ZMYM1: variants seen among roughly 807,000 people sequenced by gnomAD.
ZMYM1 encodes the protein zinc finger MYM-type protein 1.
ZMYM1 carries 39 observed loss-of-function variants against 60.0 expected under a neutral mutation model. That is an observed-to-expected ratio of 0.65 (90% CI 0.50 to 0.85). The LOEUF (loss-of-function observed/expected upper bound fraction) is 0.85, where lower values mean the gene tolerates loss of function less well. ZMYM1 is among the 40% of genes least tolerant of loss of function. The pLI is 0.00. For synonymous variants in ZMYM1, 413 were observed against 454.0 expected, an observed-to-expected ratio of 0.91 and a Z score of 1.15; for missense variants, 1,171 against 1,309.5, an observed-to-expected ratio of 0.89 and a Z score of 1.63.
upstream of ZMYM1, among the ~76,000 whole-genome samples, chr1:35,076,709 G>T (rs1000307518): frequency 3.8e-4 from 58 of 151,674 alleles, no homozygotes; most frequent in Middle Eastern, 3.2e-3. Context: ...GAGGTGGGCA[G>T]ATCACTTGAG....
chr1:35,098,645 G>A (rs188814265), intron 4 of ZMYM1, among the ~76,000 whole-genome samples: 13 of 152,144 alleles, frequency 8.5e-5, no homozygotes, highest in Admixed American at 3.9e-4. Context: ...AGTGGCTCAC[G>A]CCTGTTATCC....
In ZMYM1 at chr1:35,072,849, A is replaced by C. The variant is rs945395287; in HGVS notation, c.-300-6145A>C. Among the ~76,000 whole-genome samples, 2 of 152,178 alleles carry C rather than the reference A, an allele frequency of 1.3e-5. 1 individual carries two copies. Among genetic ancestry groups the C allele is most frequent in the Non-Finnish European group, 2.9e-5 (2 of 68,026 alleles). Reference sequence around the variant, plus strand: ...GTAATCCCAGCACTTTGGGAGGCCAAGACAGGTGGATCCCCTGAGGTCAGG... The same window carrying C: ...GTAATCCCAGCACTTTGGGAGGCCACGACAGGTGGATCCCCTGAGGTCAGG... On this transcript the variant is annotated intron_variant, in intron 1 of 10. Transcript: ENST00000417119.
chr1:35,084,531 G>C (rs1642557719), intron 1 of ZMYM1, among the ~76,000 whole-genome samples: 1 of 152,198 alleles, frequency 6.6e-6, no homozygotes, highest in Non-Finnish European at 1.5e-5. Flanking sequence ...ATTTCAGTTT[G>C]TCCTTTCTTC....
rs760091179 is a variant in ZMYM1 at position 35,113,880 on chromosome 1, G to C, written c.2050G>C (p.Asp684His). ...LIKERFLGFV[D>H]TEEMTGTHLH... ...TAAGGAAAGATTCTTGGGTTTTGTT[G>C]ATACTGAGGAGATGACTGGGACCCA... The change falls in exon 10 of 10, where the codon GAT (aspartate) becomes CAT (histidine). Residue 684 changes from aspartate to histidine, a missense_variant. Asp to His is a moderately conservative substitution (Grantham distance 81). Coordinates refer to ENST00000359858, the MANE Select transcript of ZMYM1 (RefSeq NM_024772.5). The C allele has an allele frequency of 6.2e-7, 1 of 1,613,710 alleles. No homozygotes were observed. Among genetic ancestry groups the C allele is most frequent in the East Asian group, 2.2e-5 (1 of 44,830 alleles).
intron 3 of ZMYM1, among the ~76,000 whole-genome samples, chr1:35,096,327 AGAAGAAAAT>A (rs1643319973): frequency 6.7e-6 from 1 of 149,906 alleles, no homozygotes. Context: ...AAAAAAAAAG[AGAAGAAAAT>A]CAAAGAGGCT....
At chr1:35,075,991 A>G (rs1642159783), upstream of ZMYM1, among the ~76,000 whole-genome samples, 1 of 152,096 alleles carries the variant, frequency 6.6e-6, no homozygotes, top group South Asian at 2.1e-4. Flanking sequence ...ACCAAATACA[A>G]CAACTAATCA....
At chr1:35,060,332 C>G (rs1641849679) in intron 1 of ZMYM1, among the ~76,000 whole-genome samples, 2 of 151,824 alleles carry the variant, frequency 1.3e-5, no homozygotes, top group African/African-American at 4.8e-5. Context: ...AGCTAATTTT[C>G]TATTTTTAGT....
chr1:35,073,149 A>C (rs1216437071), intron 1 of ZMYM1, among the ~76,000 whole-genome samples: 2 of 150,920 alleles, frequency 1.3e-5, no homozygotes, highest in Non-Finnish European at 3.0e-5. Flanking sequence ...AGTCCCAGCT[A>C]CTCAGGGAGC....
At position 35,114,210 on chromosome 1, in the gene ZMYM1, C is replaced by T; in HGVS notation, c.2380C>T (p.Leu794=). ...MLANFRNIYR[L]SQNKTCKKHI... is the part of the protein sequence containing the mutation. ...GGCAAATTTTCGAAACATTTATAGG[C>T]TAAGTCAAAACAAAACATGCAAGAA... The change falls in exon 10 of 10, where the codon CTA becomes TTA. Residue 794 remains leucine, a synonymous_variant. Coordinates refer to ENST00000359858, the MANE Select transcript of ZMYM1 (RefSeq NM_024772.5). 4.3e-6 allele frequency: 7 copies of T among 1,613,354 alleles called. No individual in the cohort carries two copies. Among genetic ancestry groups the T allele is most frequent in the Non-Finnish European group, 5.9e-6 (7 of 1,179,730 alleles).
Position 35,088,646 on chromosome 1 carries a change from A to C in ZMYM1, c.-74-5268A>C, listed in dbSNP as rs552314095. 2.0e-5 allele frequency among the ~76,000 whole-genome samples: 3 copies of C among 151,472 alleles called. No homozygotes were observed. The South Asian group carries it at 6.3e-4, about 32-fold the overall frequency. On this transcript the variant is annotated intron_variant, in intron 1 of 9. Coordinates refer to ENST00000359858, the MANE Select transcript of ZMYM1 (RefSeq NM_024772.5). ...CTAGTTTGGAAAGATGAGTAGGGCTATATTAAAAGAAAGTCTGTAGGACTT... is the reference window on the plus strand; with the variant it reads ...CTAGTTTGGAAAGATGAGTAGGGCTCTATTAAAAGAAAGTCTGTAGGACTT...
chr1:35,118,368 A>G (rs1209084423), downstream of ZMYM1, among the ~76,000 whole-genome samples: 1 of 152,064 alleles, frequency 6.6e-6, no homozygotes, highest in Non-Finnish European at 1.5e-5. Context: ...TTGGTCAACC[A>G]TGTGTTTTTT....
intron 1 of ZMYM1, among the ~76,000 whole-genome samples, chr1:35,061,053 C>A (rs1641866002): frequency 6.6e-6 from 1 of 152,244 alleles, no homozygotes; most frequent in Admixed American, 6.5e-5. Flanking sequence ...AACTACTGTT[C>A]TCTGGCAGTC....
At chr1:35,066,285 A>G (rs972520209) in intron 1 of ZMYM1, among the ~76,000 whole-genome samples, 2 of 152,012 alleles carry the variant, frequency 1.3e-5, no homozygotes, top group African/African-American at 4.8e-5. Flanking sequence ...GCAACCTCCA[A>G]CTCCTGGGTT....
At chr1:35,103,540 TATTC>T (rs1447947487) in intron 4 of ZMYM1, among the ~76,000 whole-genome samples, 6 of 152,368 alleles carry the variant, frequency 3.9e-5, no homozygotes, top group Admixed American at 1.3e-4. Context: ...ACAATGTGCT[TATTC>T]ATTCATTCAC....
chr1:35,062,120 G>T (rs2148473773), intron 1 of ZMYM1, among the ~76,000 whole-genome samples: 1 of 152,200 alleles, frequency 6.6e-6, no homozygotes, highest in African/African-American at 2.4e-5. Context: ...GTGAGCCACT[G>T]CGCCCAGCCT....
chr1:35,108,699 A>ATT lies in ZMYM1; in HGVS notation c.808-1572_808-1571dup, dbSNP rs771920421. On this transcript the variant is annotated intron_variant, in intron 6 of 9. Transcript: ENST00000359858. ...CAAAAGCAGTTTTGTTCCATCGGTG[A>ATT]TTTTTTTTTTTTTTTTTTTTTTTTA... Among the ~76,000 whole-genome samples the ATT allele has an allele frequency of 6.1e-3, 650 of 106,750 alleles. 7 individuals carry two copies. The highest frequency in any genetic ancestry group is 0.017 in the African/African-American group (491 of 28,836). The allele number at this position is 106,750 out of a possible 152,430, so 70.0% of individuals were successfully genotyped here.
intron 1 of ZMYM1, among the ~76,000 whole-genome samples, chr1:35,088,184 C>G (rs1642760010): frequency 6.6e-6 from 1 of 151,880 alleles, no homozygotes; most frequent in Non-Finnish European, 1.5e-5. Context: ...CTTTGGGTGG[C>G]CGAGGCAGGC....
At position 35,113,574 on chromosome 1, in the gene ZMYM1, A is replaced by G; in HGVS notation, c.1744A>G (p.Asn582Asp). Residue 582 changes from asparagine (N) to aspartate (D), a missense_variant, in exon 10 of 10, where the codon AAT becomes GAT. Physicochemically the swap from Asn to Asp is conservative, Grantham distance 23. Coordinates refer to ENST00000359858, the MANE Select transcript of ZMYM1 (RefSeq NM_024772.5). ...AAACGACCAGTCAGTTTCATCTGTG[A>G]ATAAAGGCAATTTTTTAGAATTGTT... ...RGNDQSVSSV[N>D]KGNFLELLEM... The G allele has an allele frequency of 6.2e-7, 1 of 1,613,818 alleles. No individual in the cohort carries two copies. Among genetic ancestry groups the G allele is most frequent in the South Asian group, 1.1e-5 (1 of 91,010 alleles).
In ZMYM1 at chr1:35,115,206, G is replaced by C. The variant is rs1389310190; in HGVS notation, c.3376G>C (p.Glu1126Gln). 6.2e-7 allele frequency: 1 copy of C among 1,605,072 alleles called. No homozygotes were observed. The highest frequency in any genetic ancestry group is 8.5e-7 in the Non-Finnish European group (1 of 1,177,870). Reference protein sequence around the residue: ...QELVNKLMEPERLNEIVEKFI... With the variant: ...QELVNKLMEPQRLNEIVEKFI... ...GTTGGTAAATAAACTAATGGAGCCTGAAAGACTCAATGAAATTGTGGAAAA... is the reference window on the plus strand; with the variant it reads ...GTTGGTAAATAAACTAATGGAGCCTCAAAGACTCAATGAAATTGTGGAAAA... Residue 1126 changes from glutamate (E) to glutamine (Q), a missense_variant, in exon 10 of 10, where the codon GAA becomes CAA. By Grantham distance (29) the Glu-to-Gln change is conservative. Coordinates refer to ENST00000359858, the MANE Select transcript of ZMYM1 (RefSeq NM_024772.5).
Sources: gnomAD v4.1 joint callset for allele counts (sites outside exome capture counted in the v4.1 genomes callset) on GRCh38, gnomAD v4.1.1 for gene constraint, MANE v1.5 for transcripts, NCBI Gene and HGNC (gene_info 2026-07-23, HGNC 2026-07-21) for gene names.